The following DCC variants were observed in gnomAD, a reference collection of about 807,000 sequenced individuals.
DCC encodes netrin receptor DCC.
In DCC, 58 loss-of-function variants were observed where a neutral mutation model predicts 172.5. The observed-to-expected ratio is 0.34, with a 90% CI of 0.27 to 0.42. The LOEUF is 0.42. DCC is among the 10% of genes least tolerant of loss of function. The probability of loss-of-function intolerance (pLI) is 1.00; values close to 1 mark genes in which losing one functional copy is unlikely to be tolerated. For missense variants in DCC, 1,740 were observed against 1,791.0 expected, an observed-to-expected ratio of 0.97 and a Z score of 0.51; for synonymous variants, 709 against 644.5, an observed-to-expected ratio of 1.10 and a Z score of -1.52.
chr18:53,314,660 T>A (rs980834338), intron 13 of DCC, among the ~76,000 whole-genome samples: 1 of 152,218 alleles, frequency 6.6e-6, no homozygotes, highest in African/African-American at 2.4e-5. Context: ...TCTAAATTTT[T>A]TTTATACTTA....
At chr18:53,522,038 A>G (rs979873572) in intron 27 of DCC, among the ~76,000 whole-genome samples, 14 of 152,120 alleles carry the variant, frequency 9.2e-5, no homozygotes, top group African/African-American at 3.4e-4. Context: ...AATTCAGGCA[A>G]CACAATTCAA....
At chr18:53,456,944 G>A (rs1048751139) in intron 23 of DCC, among the ~76,000 whole-genome samples, 2 of 152,192 alleles carry the variant, frequency 1.3e-5, no homozygotes, top group African/African-American at 2.4e-5. Context: ...TGTGGTAGAG[G>A]TTGGAGGGAC....
At chr18:52,860,170 G>A (rs776594687) in intron 2 of DCC, among the ~76,000 whole-genome samples, 7 of 152,206 alleles carry the variant, frequency 4.6e-5, no homozygotes, top group Non-Finnish European at 8.8e-5. Context: ...TTTTTCTAGA[G>A]TGTCTAATGC....
At chr18:52,675,189 G>A (rs1053952962) in intron 1 of DCC, among the ~76,000 whole-genome samples, 1 of 152,076 alleles carries the variant, frequency 6.6e-6, no homozygotes, top group Non-Finnish European at 1.5e-5. Context: ...CTCCCTAGTA[G>A]CTGGGATTAC....
chr18:53,160,724 A>G (rs1238158818), intron 8 of DCC, among the ~76,000 whole-genome samples: 1 of 152,126 alleles, frequency 6.6e-6, no homozygotes, highest in Non-Finnish European at 1.5e-5. Flanking sequence ...ATATTTCATG[A>G]CTTTTTCTCT....
At chr18:52,961,231 T>C (rs1040949710) in intron 5 of DCC, among the ~76,000 whole-genome samples, 2 of 152,136 alleles carry the variant, frequency 1.3e-5, no homozygotes, top group African/African-American at 4.8e-5. Context: ...ACATGACACA[T>C]GTATACATAT....
chr18:52,810,799 C>G (rs985378153), intron 2 of DCC, among the ~76,000 whole-genome samples: 1 of 152,184 alleles, frequency 6.6e-6, no homozygotes, highest in Admixed American at 6.5e-5. Flanking sequence ...AGTTCTCAAT[C>G]TAGTCTGAGG....
intron 1 of DCC, among the ~76,000 whole-genome samples, chr18:52,362,838 G>T (rs983636187): frequency 1.3e-5 from 2 of 152,064 alleles, no homozygotes; most frequent in Non-Finnish European, 2.9e-5. Context: ...TACTTGGGCT[G>T]CATTATAAAC....
intron 21 of DCC, among the ~76,000 whole-genome samples, chr18:53,432,763 T>G (rs1267484870): frequency 1.3e-5 from 2 of 150,522 alleles, no homozygotes; most frequent in South Asian, 2.1e-4. Flanking sequence ...ATTATTATTA[T>G]GTATTGGCCA....
intron 1 of DCC, among the ~76,000 whole-genome samples, chr18:52,725,467 C>T (rs182940369): frequency 1.3e-5 from 2 of 152,278 alleles, no homozygotes; most frequent in East Asian, 3.9e-4. Flanking sequence ...ACAATGATCC[C>T]AAATAATATC....
chr18:52,561,075 A>T (rs1355808298), intron 1 of DCC, among the ~76,000 whole-genome samples: 1 of 152,106 alleles, frequency 6.6e-6, no homozygotes, highest in Non-Finnish European at 1.5e-5. Flanking sequence ...ATAGGAAAAG[A>T]ATATGCTCAG....
intron 1 of DCC, among the ~76,000 whole-genome samples, chr18:52,649,372 C>A (rs1233454420): frequency 3.1e-3 from 380 of 123,844 alleles, no homozygotes; most frequent in African/African-American, 3.8e-3. Flanking sequence ...GATTCCGTAT[C>A]AAAAAAAAAA....
At chr18:53,041,233 G>A (rs1018854673) in intron 5 of DCC, among the ~76,000 whole-genome samples, 2 of 152,046 alleles carry the variant, frequency 1.3e-5, no homozygotes, top group Non-Finnish European at 2.9e-5. Flanking sequence ...TCTGCATATG[G>A]CTAGCCAGTT....
intron 9 of DCC, among the ~76,000 whole-genome samples, chr18:53,204,776 T>A (rs979957457): frequency 3.2e-4 from 48 of 152,190 alleles, no homozygotes; most frequent in African/African-American, 1.1e-3. Flanking sequence ...TATCCATAGC[T>A]GTGCGACCTA....
intron 1 of DCC, among the ~76,000 whole-genome samples, chr18:52,727,357 G>A (rs1424267885): frequency 6.6e-6 from 1 of 152,138 alleles, no homozygotes. Flanking sequence ...TAATAAATTA[G>A]AAAGTTTCCA....
At chr18:52,410,955 C>T (rs534200385) in intron 1 of DCC, among the ~76,000 whole-genome samples, 6 of 152,082 alleles carry the variant, frequency 3.9e-5, no homozygotes, top group Admixed American at 3.9e-4. Flanking sequence ...ACTTAAAGCA[C>T]CTGACAACTA....
intron 1 of DCC, among the ~76,000 whole-genome samples, chr18:52,638,530 T>C (rs1813661): frequency 0.95 from 144,375 of 152,210 alleles, 68,980 homozygotes; most frequent in East Asian, 1. Flanking sequence ...GCGAGCTATT[T>C]TTATATCAGA....
intron 1 of DCC, among the ~76,000 whole-genome samples, chr18:52,593,065 A>G (rs531954950): frequency 3.5e-4 from 54 of 152,324 alleles, no homozygotes; most frequent in African/African-American, 1.3e-3. Flanking sequence ...AGGTACCAAC[A>G]AACAGGCTTA....
chr18:52,810,187 A>T (rs980973503), intron 2 of DCC, among the ~76,000 whole-genome samples: 1 of 152,222 alleles, frequency 6.6e-6, no homozygotes, highest in Non-Finnish European at 1.5e-5. Flanking sequence ...AGCTAATGAA[A>T]GCATCACCAA....
Sources: allele counts gnomAD v4.1 joint callset (sites outside exome capture counted in the v4.1 genomes callset), GRCh38; gene constraint gnomAD v4.1.1; transcripts MANE v1.5; gene names NCBI Gene and HGNC (gene_info 2026-07-23, HGNC 2026-07-21).